Variants in TJP1 observed in about 807,000 individuals in gnomAD.
TJP1 encodes the protein tight junction protein ZO-1.
TJP1 carries 43 observed loss-of-function variants against 194.2 expected under a neutral mutation model. The ratio of observed to expected loss-of-function variants is 0.22; its 90% CI spans 0.17 to 0.29. The LOEUF (loss-of-function observed/expected upper bound fraction) is 0.29, where lower values mean the gene tolerates loss of function less well. Among genes scored for constraint, TJP1 ranks in the 10% least tolerant of loss-of-function variants. The pLI, the probability that TJP1 is intolerant of heterozygous loss-of-function variation, is 1.00. For missense variants in TJP1, 1,971 were observed against 2,185.7 expected, an observed-to-expected ratio of 0.90 and a Z score of 1.96; for synonymous variants, 801 against 779.0, an observed-to-expected ratio of 1.03 and a Z score of -0.47.
chr15:29,917,545 G>A (rs2054226293), intron 2 of TJP1, among the ~76,000 whole-genome samples: 1 of 152,178 alleles, frequency 6.6e-6, no homozygotes, highest in Non-Finnish European at 1.5e-5. Flanking sequence ...AGAAATAGCA[G>A]AGGCTACAGA....
At chr15:29,720,801 C>T (rs1285869416) in intron 18 of TJP1, 93 bp from the exon 19 acceptor site, 1 of 1,042,890 alleles carries the variant, frequency 9.6e-7, no homozygotes, top group Admixed American at 2.9e-5. Context: ...GGATATCTTT[C>T]TCTGGAGAAG....
intron 2 of TJP1, among the ~76,000 whole-genome samples, chr15:29,839,005 T>C (rs1306996294): frequency 2.2e-5 from 3 of 136,820 alleles, no homozygotes; most frequent in Admixed American, 7.4e-5. Flanking sequence ...TTTTTTTTTT[T>C]TTTTTTTTTT....
rs1347897200 is a variant in TJP1, at chr15:29,731,084, T to C, written c.2017+1349A>G. ...AAATGCAGAATTTTGTTTTACTTTTTTTTTTTTTTTTTTAAGCTATGTTGT... is the reference window on the plus strand; with the variant it reads ...AAATGCAGAATTTTGTTTTACTTTTCTTTTTTTTTTTTTAAGCTATGTTGT... On this transcript the variant is annotated intron_variant, in intron 15 of 27. Transcript: ENST00000614355. 169 of 705,456 alleles carry C rather than the reference T, an allele frequency of 2.4e-4. 1 individual carries two copies. The highest frequency in any genetic ancestry group is 2.8e-4 in the Non-Finnish European group (113 of 402,716). 43.7% of individuals were successfully genotyped at this position (705,456 alleles called of 1,614,324 possible).
At chr15:29,961,584 T>C (rs1178467658) in intron 1 of TJP1, among the ~76,000 whole-genome samples, 7 of 152,180 alleles carry the variant, frequency 4.6e-5, no homozygotes, top group Admixed American at 3.9e-4. Context: ...GAGTGTACTT[T>C]ACTTGTGGGC....
At chr15:29,864,898 A>G (rs978541920) in intron 2 of TJP1, among the ~76,000 whole-genome samples, 1 of 152,110 alleles carries the variant, frequency 6.6e-6, no homozygotes, top group Non-Finnish European at 1.5e-5. Context: ...ATAAAGACCT[A>G]TATTCTGTTG....
chr15:29,704,131 G>T, intron 27 of TJP1, 31 bp downstream of exon 27: 2 of 1,542,884 alleles, frequency 1.3e-6, no homozygotes, highest in Non-Finnish European at 1.8e-6. Context: ...AGTCCCCAAA[G>T]CTCCCAAAGG....
At chr15:29,954,628 T>C (rs1596321638) in intron 2 of TJP1, among the ~76,000 whole-genome samples, 1 of 152,326 alleles carries the variant, frequency 6.6e-6, no homozygotes, top group Middle Eastern at 3.4e-3. Context: ...CTGTTCTTGG[T>C]TAAATGTCTT....
rs71416436 is a variant in TJP1 at position 29,833,857 on chromosome 15, G to GTATATATATATATA, written c.307-33169_307-33156dup. Among the ~76,000 whole-genome samples, 167 of 25,694 alleles carry GTATATATATATATA rather than the reference G, an allele frequency of 6.5e-3. 11 individuals are homozygous for GTATATATATATATA. The highest frequency in any genetic ancestry group is 8.0e-3 in the Admixed American group (13 of 1,632). The allele number at this position is 25,694 out of a possible 152,430, so 16.9% of individuals were successfully genotyped here. ...TAAAGATGCAATATAATTTTTGTAA[G>GTATATATATATATA]TATATATATATATATATATATATAT... On this transcript the variant is annotated intron_variant, in intron 2 of 28. Coordinates refer to the TJP1 transcript ENST00000356107.
chr15:29,916,754 T>C (rs1430625957), intron 2 of TJP1, among the ~76,000 whole-genome samples: 2 of 152,238 alleles, frequency 1.3e-5, no homozygotes, highest in Non-Finnish European at 2.9e-5. Context: ...TGTACCTAAA[T>C]GTTAATATAT....
Position 29,701,548 on chromosome 15 carries a change from TAA to T in TJP1, c.*45_*46del. On this transcript the variant is annotated 3_prime_UTR_variant, in exon 28 of 28. Coordinates refer to ENST00000614355, the MANE Select transcript of TJP1 (RefSeq NM_001330239.4). ...CTTGATAGAGTGGTTCCATTTAGATTAAGTTTAATCCAGTTTCACATTATTTA... is the reference window on the plus strand; with the variant it reads ...CTTGATAGAGTGGTTCCATTTAGATTGTTTAATCCAGTTTCACATTATTTA... 2 of 1,484,880 alleles carry T rather than the reference TAA, an allele frequency of 1.3e-6. No individual in the cohort carries two copies. Among genetic ancestry groups the T allele is most frequent in the Non-Finnish European group, 1.9e-6 (2 of 1,064,898 alleles). 92.0% of individuals were successfully genotyped at this position (1,484,880 alleles called of 1,614,324 possible).
rs745978226 is a variant in TJP1, at chr15:29,733,114, G to A, written c.1716C>T (p.Gly572=). 1 of 1,613,990 alleles carries A rather than the reference G, an allele frequency of 6.2e-7. No individual in the cohort carries two copies. The highest frequency in any genetic ancestry group is 1.1e-5 in the South Asian group (1 of 91,076). The change falls in exon 13 of 28, where the codon GGC becomes GGT. Residue 572 remains glycine (G), a synonymous_variant. Transcript: ENST00000614355. ...CATACCTGTTCTTATTAGGGATGAT[G>A]CCTCGTTCTACCTCCTTATGATTTT... is the stretch of plus-strand genomic sequence containing the variant. ...IGKNHKEVER[G]IIPNKNRAEQ... is the part of the protein sequence containing the mutation.
At chr15:29,761,348 C>G in intron 7 of TJP1, 62 bp from the exon 8 acceptor site, 1 of 1,573,058 alleles carries the variant, frequency 6.4e-7, no homozygotes. Context: ...GTATAAGGTA[C>G]TCCAGTAATA....
chr15:29,790,443 A>G, intron 2 of TJP1, among the ~76,000 whole-genome samples: 1 of 54,182 alleles, frequency 1.8e-5, no homozygotes, highest in East Asian at 7.7e-4. Flanking sequence ...TATTTATGGG[A>G]TCCACATCAT....
Position 29,705,357 on chromosome 15 carries a change from T to C in TJP1, c.5068+171A>G, listed in dbSNP as rs2306437. On this transcript the variant is annotated intron_variant, in intron 26 of 27. Coordinates refer to ENST00000614355, the MANE Select transcript of TJP1 (RefSeq NM_001330239.4). ...GGCAGTGTGGTCACCACAGCCTTGC[T>C]TCAGGCCACCCACTGCTTGCTTGCA... 0.013 allele frequency among the ~76,000 whole-genome samples: 1,994 copies of C among 152,334 alleles called. 52 individuals are homozygous for C. Among genetic ancestry groups the C allele is most frequent in the East Asian group, 0.096 (499 of 5,186 alleles).
At chr15:29,751,801 A>T (rs1453989832) in intron 8 of TJP1, among the ~76,000 whole-genome samples, 1 of 152,208 alleles carries the variant, frequency 6.6e-6, no homozygotes, top group African/African-American at 2.4e-5. Context: ...TTTTTTGTAT[A>T]TTTACTATTT....
chr15:29,815,274 C>T (rs1476838223), intron 1 of TJP1, among the ~76,000 whole-genome samples: 2 of 152,180 alleles, frequency 1.3e-5, no homozygotes, highest in Non-Finnish European at 2.9e-5. Flanking sequence ...AATACTGCAA[C>T]ACACCAATTT....
intron 10 of TJP1, among the ~76,000 whole-genome samples, chr15:29,739,682 T>C (rs2044267392): frequency 6.6e-6 from 1 of 152,080 alleles, no homozygotes; most frequent in South Asian, 2.1e-4. Context: ...CCTGACCTGG[T>C]GATCTGCCCA....
chr15:29,821,802 T>C (rs957029472), intron 1 of TJP1, among the ~76,000 whole-genome samples, 200 bp downstream of exon 1: 17 of 147,254 alleles, frequency 1.2e-4, no homozygotes, highest in African/African-American at 4.2e-4. Context: ...CCGCCCCCAG[T>C]GCGGCCCGCG....
At chr15:29,787,820 C>T (rs1488239249) in intron 2 of TJP1, among the ~76,000 whole-genome samples, 1 of 152,070 alleles carries the variant, frequency 6.6e-6, no homozygotes, top group Admixed American at 6.6e-5. Flanking sequence ...TAGACATTTG[C>T]TTTCATTTCT....
Sources: allele counts gnomAD v4.1 joint callset (sites outside exome capture counted in the v4.1 genomes callset), GRCh38; gene constraint gnomAD v4.1.1; transcripts MANE v1.5; gene names NCBI Gene and HGNC (gene_info 2026-07-23, HGNC 2026-07-21).